The following NEK5 variants were observed in gnomAD, a reference collection of about 807,000 sequenced individuals.
The protein encoded by NEK5 is NIMA related kinase 5.
NEK5 carries 88 observed loss-of-function variants against 109.2 expected under a neutral mutation model. The observed-to-expected ratio is 0.81, with a 90% CI of 0.68 to 0.96. NEK5 has a LOEUF of 0.96. Ranked by LOEUF, NEK5 falls within the 40% of genes least tolerant of loss-of-function variation. The probability of loss-of-function intolerance (pLI) is 0.00; values close to 1 mark genes in which losing one functional copy is unlikely to be tolerated. For missense variants in NEK5, 834 were observed against 920.7 expected (o/e 0.91, Z 1.22); for synonymous variants, 283 against 299.9 (o/e 0.94, Z 0.58).
In NEK5 at chr13:52,034,690, TAATTC is replaced by T. The variant is rs1228888787; in HGVS notation, c.*2253_*2257del. On this transcript the variant is annotated 3_prime_UTR_variant, in exon 24 of 24. Transcript: ENST00000684899. ...CAGAGGTGCACACCAACACACCAGC[TAATTC>T]TTTTTTTTTTTTTTTTTTTTCTGAG... is the stretch of plus-strand genomic sequence containing the variant. The T allele has an allele frequency of 7.4e-6, 1 of 135,398 alleles. No individual in the cohort carries two copies. The highest frequency in any genetic ancestry group is 2.3e-4 in the East Asian group (1 of 4,374). 8.4% of individuals were successfully genotyped at this position (135,398 alleles called of 1,614,324 possible).
intron 22 of NEK5, among the ~76,000 whole-genome samples, chr13:52,054,674 C>T (rs1718939343): frequency 6.6e-6 from 1 of 152,208 alleles, no homozygotes; most frequent in African/African-American, 2.4e-5. Flanking sequence ...GGGAGGCACC[C>T]CCCAGCAGGG....
intron 23 of NEK5, among the ~76,000 whole-genome samples, chr13:52,048,384 C>T (rs947906385): frequency 1.3e-5 from 2 of 152,060 alleles, no homozygotes; most frequent in African/African-American, 4.8e-5. Context: ...CCAGCCTGAA[C>T]AACACTGTGA....
At chr13:52,080,945 C>T (rs895989918) in intron 17 of NEK5, among the ~76,000 whole-genome samples, 10 of 134,670 alleles carry the variant, frequency 7.4e-5, no homozygotes, top group Non-Finnish European at 1.3e-4. Context: ...TGTATTTTAC[C>T]ACAGTGAAAA....
chr13:52,057,492 C>G (rs1438730530), intron 22 of NEK5, among the ~76,000 whole-genome samples: 15 of 141,600 alleles, frequency 1.1e-4, no homozygotes, highest in African/African-American at 3.4e-4. Flanking sequence ...AGAGACACAA[C>G]CACAAAAGAG....
intron 17 of NEK5, among the ~76,000 whole-genome samples, chr13:52,081,386 G>A (rs1044195931): frequency 6.6e-6 from 1 of 151,974 alleles, no homozygotes; most frequent in African/African-American, 2.4e-5. Flanking sequence ...TAGAGATGGG[G>A]TCTCACTATA....
chr13:52,048,992 A>T (rs1462709575), intron 23 of NEK5, among the ~76,000 whole-genome samples: 4 of 152,226 alleles, frequency 2.6e-5, no homozygotes, highest in Admixed American at 2.6e-4. Flanking sequence ...TGCTCTCACC[A>T]TAAATAAATG....
intron 8 of NEK5, 44 bp downstream of exon 8, chr13:52,108,274 A>T: frequency 9.1e-7 from 1 of 1,094,616 alleles, no homozygotes; most frequent in Non-Finnish European, 1.4e-6. Flanking sequence ...AGTGTCATCC[A>T]TCAGATTTTA....
chr13:52,127,802 T>G (rs1956096554), intron 1 of NEK5, 140 bp from the exon 2 acceptor site: 1 of 248,826 alleles, frequency 4.0e-6, no homozygotes, highest in Non-Finnish European at 7.7e-6. Flanking sequence ...ACAATACCTG[T>G]TTTGCAAGTT....
intron 13 of NEK5, among the ~76,000 whole-genome samples, chr13:52,092,556 C>A (rs551605879): frequency 2.8e-4 from 43 of 152,082 alleles, no homozygotes; most frequent in African/African-American, 9.9e-4. Context: ...TTTGAAGAAC[C>A]AACTAACAAG....
At chr13:52,122,741 T>C (rs1955994292) in intron 3 of NEK5, among the ~76,000 whole-genome samples, 2 of 151,942 alleles carry the variant, frequency 1.3e-5, no homozygotes, top group South Asian at 4.2e-4. Flanking sequence ...CACTCCAGCC[T>C]GGGCAACAGA....
chr13:52,085,491 C>T (rs545433539), intron 16 of NEK5, among the ~76,000 whole-genome samples: 3 of 152,044 alleles, frequency 2.0e-5, no homozygotes, highest in Non-Finnish European at 4.4e-5. Context: ...GTATGCACTG[C>T]GGTGGGAGAA....
chr13:52,124,609 T>TAGG (rs1956030065), intron 3 of NEK5, among the ~76,000 whole-genome samples: 1 of 152,200 alleles, frequency 6.6e-6, no homozygotes, highest in African/African-American at 2.4e-5. Flanking sequence ...CCTAATTTCT[T>TAGG]AGTTTTCTAC....
chr13:52,079,197 T>A (rs1345363674), intron 17 of NEK5, among the ~76,000 whole-genome samples: 1 of 149,236 alleles, frequency 6.7e-6, no homozygotes, highest in Non-Finnish European at 1.5e-5. Flanking sequence ...GGAAGGGATA[T>A]TTCAGTAGAG....
At chr13:52,086,750 TA>T (rs1213167764) in intron 15 of NEK5, among the ~76,000 whole-genome samples, 1 of 152,140 alleles carries the variant, frequency 6.6e-6, no homozygotes, top group Non-Finnish European at 1.5e-5. Flanking sequence ...TGAGACTACT[TA>T]AGATGAGATC....
rs1215321550 is a variant in NEK5 at position 52,121,140 on chromosome 13, T to G, written c.118-1725A>C. Among the ~76,000 whole-genome samples, 6 of 150,842 alleles carry G rather than the reference T, an allele frequency of 4.0e-5. 1 individual carries two copies. The Admixed American group carries it at 4.0e-4, about 10-fold the overall frequency. ...AAAATGTTCATTTTTGTGGGGGGTC[T>G]GTATCCTGCTGAAGAAATCTTTTTT... On this transcript the variant is annotated intron_variant, in intron 3 of 23. Transcript: ENST00000684899.
At chr13:52,058,829 A>G (rs1954585621) in intron 22 of NEK5, among the ~76,000 whole-genome samples, 8 of 152,338 alleles carry the variant, frequency 5.3e-5, no homozygotes, top group Admixed American at 4.6e-4. Flanking sequence ...CTTAAACGTT[A>G]GACCTAAAAC....
intron 4 of NEK5, among the ~76,000 whole-genome samples, chr13:52,115,341 A>G (rs1955836187): frequency 6.6e-6 from 1 of 151,726 alleles, no homozygotes; most frequent in African/African-American, 2.4e-5. Context: ...GCAGTGGCTC[A>G]TGCCTGTAAT....
intron 17 of NEK5, among the ~76,000 whole-genome samples, chr13:52,082,701 C>G (rs1398883500): frequency 6.6e-6 from 1 of 152,204 alleles, no homozygotes; most frequent in Non-Finnish European, 1.5e-5. Context: ...GTCTGATACA[C>G]TGACTTAGAC....
chr13:52,117,549 AAC>A (rs1182841789), intron 4 of NEK5, among the ~76,000 whole-genome samples: 2 of 152,208 alleles, frequency 1.3e-5, no homozygotes. Flanking sequence ...TCCAGTGGTA[AAC>A]TGTCCTCAAA....
Sources: allele counts gnomAD v4.1 joint callset (sites outside exome capture counted in the v4.1 genomes callset), GRCh38; gene constraint gnomAD v4.1.1; transcripts MANE v1.5; gene names NCBI Gene and HGNC (gene_info 2026-07-23, HGNC 2026-07-21).